SDHC: variants seen among roughly 807,000 people sequenced by gnomAD.
SDHC encodes succinate dehydrogenase cytochrome b560 subunit, mitochondrial.
SDHC carries 11 observed loss-of-function variants against 22.6 expected under a neutral mutation model. The ratio of observed to expected loss-of-function variants is 0.49; its 90% CI spans 0.31 to 0.81. The LOEUF is 0.81. Among genes scored for constraint, SDHC ranks in the 30% least tolerant of loss-of-function variants. SDHC has a pLI of 0.05. For missense variants in SDHC, 160 were observed against 212.0 expected, an observed-to-expected ratio of 0.75 and a Z score of 1.52; for synonymous variants, 80 against 77.8, an observed-to-expected ratio of 1.03 and a Z score of -0.15.
intron 4 of SDHC, among the ~76,000 whole-genome samples, chr1:161,353,415 C>T (rs1049700555): frequency 6.6e-6 from 1 of 151,996 alleles, no homozygotes; most frequent in Non-Finnish European, 1.5e-5. Flanking sequence ...TTTTGAATTT[C>T]CTATCAAAAC....
At chr1:161,321,812 G>A (rs1482124201) in intron 1 of SDHC, among the ~76,000 whole-genome samples, 1 of 152,164 alleles carries the variant, frequency 6.6e-6, no homozygotes, top group African/African-American at 2.4e-5. Flanking sequence ...ATCTGTATGA[G>A]ATCTTGTGTC....
chr1:161,333,837 C>G (rs1671374511), intron 3 of SDHC, among the ~76,000 whole-genome samples: 1 of 152,194 alleles, frequency 6.6e-6, no homozygotes, highest in Non-Finnish European at 1.5e-5. Flanking sequence ...CTACTAAAAT[C>G]TGTTCAAGGC....
chr1:161,337,018 C>T (rs763542575), intron 3 of SDHC, among the ~76,000 whole-genome samples: 8 of 151,624 alleles, frequency 5.3e-5, no homozygotes, highest in Non-Finnish European at 1.0e-4. Flanking sequence ...TATAGACACA[C>T]GCCACCATGT....
rs1250023738 is a variant in SDHC, at chr1:161,362,814, G to C, written c.*381G>C. 2.1e-6 allele frequency: 1 copy of C among 473,238 alleles called. No individual in the cohort carries two copies. Among genetic ancestry groups the C allele is most frequent in the African/African-American group, 1.9e-5 (1 of 51,552 alleles). The allele number at this position is 473,238 out of a possible 1,614,324, so 29.3% of individuals were successfully genotyped here. A position where few individuals can be genotyped will look rare whatever the true frequency, so the allele number is the denominator to read the frequency against. ...GGCTTCTGCCCTGGGGATGGGCCGG[G>C]TTGGGGGGTGGGTTGGTGAGGCTTT... On this transcript the variant is annotated 3_prime_UTR_variant, in exon 6 of 6. Coordinates refer to ENST00000367975, the MANE Select transcript of SDHC (RefSeq NM_003001.5).
intron 3 of SDHC, among the ~76,000 whole-genome samples, chr1:161,334,817 T>G (rs1374490794): frequency 3.3e-5 from 5 of 152,306 alleles, no homozygotes; most frequent in Middle Eastern, 6.8e-3. Context: ...TCATAGGTTC[T>G]AGAGATTAGA....
chr1:161,344,214 T>C (rs1174574184), intron 4 of SDHC, among the ~76,000 whole-genome samples: 2 of 152,080 alleles, frequency 1.3e-5, no homozygotes, highest in Non-Finnish European at 2.9e-5. Flanking sequence ...GGCGTGAACC[T>C]GGGAGGCGGA....
At chr1:161,358,228 A>C (rs919372146) in intron 5 of SDHC, among the ~76,000 whole-genome samples, 6 of 145,006 alleles carry the variant, frequency 4.1e-5, no homozygotes, top group Non-Finnish European at 7.6e-5. Flanking sequence ...TGGTATTTTT[A>C]GTAGAGACGG....
chr1:161,317,514 T>C (rs1242600618), intron 1 of SDHC, among the ~76,000 whole-genome samples: 1 of 150,744 alleles, frequency 6.6e-6, no homozygotes, highest in Non-Finnish European at 1.5e-5. Context: ...TTTTCAAGTA[T>C]GCAATGCCTT....
chr1:161,356,083 G>T (rs1279629858), intron 4 of SDHC, among the ~76,000 whole-genome samples: 1 of 151,768 alleles, frequency 6.6e-6, no homozygotes, highest in East Asian at 1.9e-4. Flanking sequence ...TGATGAACTA[G>T]ATGATATAGC....
intron 2 of SDHC, among the ~76,000 whole-genome samples, chr1:161,324,694 A>G (rs1670985718): frequency 6.6e-6 from 1 of 152,202 alleles, no homozygotes; most frequent in Non-Finnish European, 1.5e-5. Context: ...TTTAATTATT[A>G]GTATTTTCAC....
intron 4 of SDHC, among the ~76,000 whole-genome samples, chr1:161,350,590 T>A (rs113518033): frequency 5.9e-5 from 9 of 152,140 alleles, no homozygotes; most frequent in Admixed American, 1.3e-4. Flanking sequence ...AGGTATTTTT[T>A]AAAAAAAATC....
At chr1:161,316,105 A>G (rs1045867929) in intron 1 of SDHC, among the ~76,000 whole-genome samples, 5 of 152,174 alleles carry the variant, frequency 3.3e-5, no homozygotes, top group African/African-American at 4.8e-5. Context: ...GATGGAATAT[A>G]CAATCGGGTT....
chr1:161,360,633 C>T (rs1191032850), intron 5 of SDHC, among the ~76,000 whole-genome samples: 1 of 151,340 alleles, frequency 6.6e-6, no homozygotes, highest in Non-Finnish European at 1.5e-5. Context: ...GTAATCTCAG[C>T]ACTTTGGGAG....
chr1:161,348,475 G>T (rs1671982444), intron 4 of SDHC, among the ~76,000 whole-genome samples: 1 of 151,364 alleles, frequency 6.6e-6, no homozygotes, highest in Non-Finnish European at 1.5e-5. Context: ...GTTTTGAAAG[G>T]TTGAAAGAGG....
intron 4 of SDHC, among the ~76,000 whole-genome samples, chr1:161,352,853 C>T (rs760830994): frequency 2.0e-5 from 3 of 151,876 alleles, no homozygotes; most frequent in African/African-American, 7.3e-5. Flanking sequence ...GGCACACACC[C>T]GTAGTCCCAG....
At chr1:161,329,006 C>T (rs920741097) in intron 3 of SDHC, among the ~76,000 whole-genome samples, 1 of 151,990 alleles carries the variant, frequency 6.6e-6, no homozygotes, top group African/African-American at 2.4e-5. Flanking sequence ...CTCCCGGGTT[C>T]AAGCGATTCT....
chr1:161,323,728 C>A, intron 2 of SDHC, 58 bp downstream of exon 2: 1 of 1,327,166 alleles, frequency 7.5e-7, no homozygotes, highest in Non-Finnish European at 1.1e-6. Context: ...CGGAGTCTCG[C>A]TCTGTCACCC....
intron 4 of SDHC, among the ~76,000 whole-genome samples, chr1:161,353,776 A>G (rs1672171665): frequency 6.6e-6 from 1 of 152,210 alleles, no homozygotes; most frequent in Admixed American, 6.5e-5. Flanking sequence ...TGAGCCCAGG[A>G]GTTAGAGACC....
chr1:161,340,456 A>C lies in SDHC; in HGVS notation c.180-138A>C, dbSNP rs527834706. 690 of 711,556 alleles carry C rather than the reference A, an allele frequency of 9.7e-4. 3 individuals carry two copies. Among genetic ancestry groups the C allele is most frequent in the Middle Eastern group, 1.7e-3 (4 of 2,424 alleles). The allele number at this position is 711,556 out of a possible 1,614,324, so 44.1% of individuals were successfully genotyped here. A position where few individuals can be genotyped will look rare whatever the true frequency, so the allele number is the denominator to read the frequency against. The stretch of plus-strand genomic sequence containing the variant: ...ATGCCATTGCCAGCCTGGGCAACAG[A>C]GCGAGACTCTGTCTCAAAAAAAAAA... On this transcript the variant is annotated intron_variant, in intron 3 of 5. Coordinates refer to ENST00000367975, the MANE Select transcript of SDHC (RefSeq NM_003001.5).
Sources: allele counts gnomAD v4.1 joint callset (sites outside exome capture counted in the v4.1 genomes callset), GRCh38; gene constraint gnomAD v4.1.1; transcripts MANE v1.5; gene names NCBI Gene and HGNC (gene_info 2026-07-23, HGNC 2026-07-21).